UBR7: variants seen among roughly 807,000 people sequenced by gnomAD.
UBR7 encodes ubiquitin protein ligase E3 component n-recognin 7, also known as putative E3 ubiquitin-protein ligase UBR7.
A neutral mutation model predicts 57.0 loss-of-function variants in UBR7; 22 were observed. The ratio of observed to expected loss-of-function variants is 0.39; its 90% CI spans 0.28 to 0.55. The LOEUF (loss-of-function observed/expected upper bound fraction) is 0.55. UBR7 is among the 20% of genes least tolerant of loss of function. The pLI, the probability that UBR7 is intolerant of heterozygous loss-of-function variation, is 0.69. For synonymous variants in UBR7, 167 were observed against 179.8 expected, an observed-to-expected ratio of 0.93 and a Z score of 0.57; for missense variants, 395 against 513.2, an observed-to-expected ratio of 0.77 and a Z score of 2.23.
intron 9 of UBR7, 83 bp downstream of exon 9, chr14:93,220,494 T>G: frequency 6.7e-7 from 1 of 1,500,258 alleles, no homozygotes; most frequent in Non-Finnish European, 9.1e-7. Flanking sequence ...ACCTATATTT[T>G]TAATTTAATA....
intron 6 of UBR7, among the ~76,000 whole-genome samples, chr14:93,216,029 G>A (rs959493854): frequency 2.0e-5 from 3 of 152,158 alleles, no homozygotes; most frequent in Non-Finnish European, 4.4e-5. Context: ...CAAAATTCAG[G>A]TGCCCGCAGA....
At chr14:93,208,040 C>T (rs1400672279) in intron 1 of UBR7, among the ~76,000 whole-genome samples, 1 of 152,064 alleles carries the variant, frequency 6.6e-6, no homozygotes, top group East Asian at 1.9e-4. Context: ...AGACCGGAAA[C>T]AGAACAGCAA....
Position 93,209,847 on chromosome 14 carries a change from A to G in UBR7, c.174A>G (p.Leu58=), listed in dbSNP as rs1244428081. Residue 58 remains leucine (L), a synonymous_variant, in exon 2 of 11, where the codon CTA becomes CTG. Transcript: ENST00000013070. ...YSQGSVKRQA[L]YACSTCTPEG... is the part of the protein sequence containing the mutation. ...AGGGCTCAGTAAAGAGACAAGCACT[A>G]TATGCCTGTAGTACCTGCACCCCAG... 6.2e-7 allele frequency: 1 copy of G among 1,614,016 alleles called. No homozygotes were observed.
rs1240076792 is a variant in UBR7, at chr14:93,229,065, G to T, written c.*2030G>T. Reference sequence around the variant, plus strand: ...GATTTTGGCCAACATATTAATGCATGTTTTATGCAAAACACAAATATGATA... The same window carrying T: ...GATTTTGGCCAACATATTAATGCATTTTTTATGCAAAACACAAATATGATA... On this transcript the variant is annotated 3_prime_UTR_variant, in exon 11 of 11. Transcript: ENST00000013070. 2.5e-6 allele frequency: 1 copy of T among 397,710 alleles called. No individual in the cohort carries two copies. The highest frequency in any genetic ancestry group is 1.8e-5 in the South Asian group (1 of 54,742). 24.6% of individuals were successfully genotyped at this position (397,710 alleles called of 1,614,324 possible). A position where few individuals can be genotyped will look rare whatever the true frequency, so the allele number is the denominator to read the frequency against.
chr14:93,223,394 C>CAAAAAAA (rs34453404), intron 10 of UBR7, among the ~76,000 whole-genome samples: 3 of 94,328 alleles, frequency 3.2e-5, no homozygotes, highest in East Asian at 3.1e-4. Flanking sequence ...GACTCCATCT[C>CAAAAAAA]AAAAAAAAAA....
At chr14:93,215,689 C>CAAAAA (rs34666080) in intron 6 of UBR7, among the ~76,000 whole-genome samples, 13 of 71,706 alleles carry the variant, frequency 1.8e-4, no homozygotes, top group Non-Finnish European at 3.2e-4. Context: ...ACTCCATCCT[C>CAAAAA]AAAAAAAAAA....
At chr14:93,223,504 A>G (rs1392651603) in intron 10 of UBR7, 3 of 597,574 alleles carry the variant, frequency 5.0e-6, no homozygotes, top group Non-Finnish European at 8.8e-6. Context: ...ATCTCTGTCT[A>G]CCTACTTTAG....
chr14:93,228,420 A>G lies in UBR7; in HGVS notation c.*1385A>G, dbSNP rs1214535756. 4.4e-6 allele frequency: 2 copies of G among 454,088 alleles called. No homozygotes were observed. The highest frequency in any genetic ancestry group is 4.0e-5 in the African/African-American group (2 of 49,994). The allele number at this position is 454,088 out of a possible 1,614,324, so 28.1% of individuals were successfully genotyped here. On this transcript the variant is annotated 3_prime_UTR_variant, in exon 11 of 11. Transcript: ENST00000013070. ...AAGCATTTCAGGCTGTGGGGCCACC[A>G]TGTATATTAATACTCCTTATGTGTC...
intron 6 of UBR7, among the ~76,000 whole-genome samples, chr14:93,216,373 A>C (rs113041332): frequency 5.3e-5 from 8 of 152,174 alleles, no homozygotes; most frequent in African/African-American, 1.9e-4. Context: ...ATACACTAAG[A>C]AATTAAATCA....
chr14:93,220,809 A>T (rs1894688875), intron 9 of UBR7, among the ~76,000 whole-genome samples: 1 of 149,912 alleles, frequency 6.7e-6, no homozygotes. Flanking sequence ...CCCTTGATTG[A>T]AGGCTTTTAC....
chr14:93,214,877 T>C, intron 4 of UBR7, 52 bp from the exon 5 acceptor site: 1 of 1,510,774 alleles, frequency 6.6e-7, no homozygotes. Flanking sequence ...CCAGGTTATT[T>C]CCATGTTCCC....
At position 93,227,520 on chromosome 14, in the gene UBR7, T is replaced by A; in HGVS notation, c.*485T>A. The A allele has an allele frequency of 1.4e-6, 1 of 698,172 alleles. No homozygotes were observed. The highest frequency in any genetic ancestry group is 2.6e-6 in the Non-Finnish European group (1 of 383,692). 43.2% of individuals were successfully genotyped at this position (698,172 alleles called of 1,614,324 possible). A position where few individuals can be genotyped will look rare whatever the true frequency, so the allele number is the denominator to read the frequency against. ...TGGGTCAAAGCTTCCTCAAGCCTGGTCTGCTCCTTCTTTCACGTCCCTGTT... is the reference window on the plus strand; with the variant it reads ...TGGGTCAAAGCTTCCTCAAGCCTGGACTGCTCCTTCTTTCACGTCCCTGTT... On this transcript the variant is annotated 3_prime_UTR_variant, in exon 11 of 11. Transcript: ENST00000013070.
intron 6 of UBR7, among the ~76,000 whole-genome samples, chr14:93,217,745 G>A (rs1205817585): frequency 6.6e-6 from 1 of 152,084 alleles, no homozygotes. Context: ...TCAGTATTTC[G>A]GAGACTACGG....
intron 2 of UBR7, among the ~76,000 whole-genome samples, chr14:93,210,374 C>T (rs749812593): frequency 3.3e-5 from 5 of 152,240 alleles, no homozygotes; most frequent in African/African-American, 4.8e-5. Flanking sequence ...TGAGCCACCT[C>T]GCCCAGCACT....
chr14:93,220,256 A>G lies in UBR7; in HGVS notation c.968A>G (p.Tyr323Cys), dbSNP rs1338958182. The change falls in exon 9 of 11, where the codon TAT becomes TGT. Residue 323 changes from tyrosine (Y) to cysteine (C), a missense_variant. Tyr to Cys is a radical substitution (Grantham distance 194). Transcript: ENST00000013070. ...TTTTTTTTTTCCCTAAAGAAAATGT[A>G]TGGAGATCTAGATGTCTTATTCCTG... The part of the protein sequence containing the change: ...LCTCQDCMKM[Y>C]GDLDVLFLTD... 4.1e-6 allele frequency: 6 copies of G among 1,464,972 alleles called. No individual in the cohort carries two copies. Among genetic ancestry groups the G allele is most frequent in the Non-Finnish European group, 5.6e-6 (6 of 1,068,138 alleles). 90.7% of individuals were successfully genotyped at this position (1,464,972 alleles called of 1,614,324 possible).
At chr14:93,220,040 C>T (rs1382335964) in intron 8 of UBR7, among the ~76,000 whole-genome samples, 1 of 151,804 alleles carries the variant, frequency 6.6e-6, no homozygotes, top group Admixed American at 6.6e-5. Context: ...CATATGACAT[C>T]TGGGAAATTG....
intron 10 of UBR7, among the ~76,000 whole-genome samples, chr14:93,224,595 T>C (rs1894804218): frequency 6.6e-6 from 1 of 152,118 alleles, no homozygotes; most frequent in South Asian, 2.1e-4. Context: ...GCCAGGATGG[T>C]CTCGATTTCC....
rs938386566 is a variant in UBR7 at position 93,228,075 on chromosome 14, T to C, written c.*1040T>C. ...AATAAGCAGGGCAGGGAGCCCTGTT[T>C]TGGAAGAGACAGACTGTGGAAGAGA... is the stretch of plus-strand genomic sequence containing the variant. On this transcript the variant is annotated 3_prime_UTR_variant, in exon 11 of 11. Transcript: ENST00000013070. 33 of 690,056 alleles carry C rather than the reference T, an allele frequency of 4.8e-5. No individual in the cohort carries two copies. In the East Asian group the frequency reaches 9.0e-4, roughly 19 times the overall value. The allele number at this position is 690,056 out of a possible 1,614,324, so 42.7% of individuals were successfully genotyped here. A position where few individuals can be genotyped will look rare whatever the true frequency, so the allele number is the denominator to read the frequency against.
Position 93,227,318 on chromosome 14 carries a change from T to A in UBR7, c.*283T>A. 1 of 603,810 alleles carries A rather than the reference T, an allele frequency of 1.7e-6. No individual in the cohort carries two copies. Among genetic ancestry groups the A allele is most frequent in the South Asian group, 1.5e-5 (1 of 65,844 alleles). The allele number at this position is 603,810 out of a possible 1,614,324, so 37.4% of individuals were successfully genotyped here. A position where few individuals can be genotyped will look rare whatever the true frequency, so the allele number is the denominator to read the frequency against. The stretch of plus-strand genomic sequence containing the variant: ...TTTGCATAGTTTTTAAGTTTGATTT[T>A]GTTTTGAGAAAGCAAATTGGTGTCT... On this transcript the variant is annotated 3_prime_UTR_variant, in exon 11 of 11. Coordinates refer to ENST00000013070, the MANE Select transcript of UBR7 (RefSeq NM_175748.4).
Sources: gnomAD v4.1 joint callset for allele counts (sites outside exome capture counted in the v4.1 genomes callset) on GRCh38, gnomAD v4.1.1 for gene constraint, MANE v1.5 for transcripts, NCBI Gene and HGNC (gene_info 2026-07-23, HGNC 2026-07-21) for gene names.